Variants in CSMD1 observed in about 807,000 individuals in gnomAD.
The protein encoded by CSMD1 is CUB and sushi domain-containing protein 1.
Under a neutral mutation model 417.5 loss-of-function variants are expected in CSMD1, and 213 were observed. The observed-to-expected ratio is 0.51, with a 90% CI of 0.46 to 0.57. The LOEUF (loss-of-function observed/expected upper bound fraction) is 0.57, where lower values mean the gene tolerates loss of function less well. Ranked by LOEUF, CSMD1 falls within the 20% of genes least tolerant of loss-of-function variation. CSMD1 has a pLI of 0.00. For synonymous variants in CSMD1, 2,862 were observed against 1,736.8 expected, an observed-to-expected ratio of 1.65 and a Z score of -16.11; for missense variants, 6,923 against 4,529.7, an observed-to-expected ratio of 1.53 and a Z score of -15.17.
intron 30 of CSMD1, among the ~76,000 whole-genome samples, chr8:3,210,750 G>T (rs1470549687): frequency 2.0e-5 from 3 of 150,482 alleles, no homozygotes; most frequent in Admixed American, 6.6e-5. Context: ...CACAGAAAAG[G>T]TATTTTTCCT....
chr8:3,692,587 C>T (rs180874811), intron 7 of CSMD1, among the ~76,000 whole-genome samples: 196 of 152,166 alleles, frequency 1.3e-3, no homozygotes, highest in African/African-American at 3.9e-3. Flanking sequence ...GGCATGTCAC[C>T]ACACACAGCT....
At chr8:4,414,332 A>G (rs17070197) in intron 3 of CSMD1, among the ~76,000 whole-genome samples, 139 of 152,308 alleles carry the variant, frequency 9.1e-4, no homozygotes, top group African/African-American at 2.9e-3. Flanking sequence ...AAACCCGAAG[A>G]AAAGGTCTCT....
chr8:3,765,123 G>A (rs1400390809), intron 5 of CSMD1, among the ~76,000 whole-genome samples: 1 of 152,102 alleles, frequency 6.6e-6, no homozygotes, highest in East Asian at 1.9e-4. Flanking sequence ...TAGTACTGAA[G>A]ACCCTTTATA....
At chr8:4,385,828 T>C (rs1453092968) in intron 3 of CSMD1, among the ~76,000 whole-genome samples, 1 of 152,188 alleles carries the variant, frequency 6.6e-6, no homozygotes, top group Non-Finnish European at 1.5e-5. Flanking sequence ...TTATTTTGTG[T>C]TTCTGGGAAA....
At position 2,963,330 on chromosome 8, in the gene CSMD1, C is replaced by G; in HGVS notation, c.9346G>C (p.Gly3116Arg). 6.2e-7 allele frequency: 1 copy of G among 1,613,870 alleles called. No individual in the cohort carries two copies. Among genetic ancestry groups the G allele is most frequent in the Non-Finnish European group, 8.5e-7 (1 of 1,179,848 alleles). ...GTVEGSDFRW[G>R]SSISYSCMDG... ...ATGCAGCTGTAACTTATGCTGGAGC[C>G]CCAGCGGAAATCACTTCCCTCCACT... The change falls in exon 60 of 70, where the codon GGC (glycine) becomes CGC (arginine). Residue 3116 changes from glycine (G) to arginine (R), a missense_variant. Physicochemically the swap from Gly to Arg is moderately radical, Grantham distance 125. Coordinates refer to ENST00000635120, the MANE Select transcript of CSMD1 (RefSeq NM_033225.6).
intron 2 of CSMD1, among the ~76,000 whole-genome samples, chr8:4,584,199 T>C (rs545088560): frequency 6.6e-6 from 1 of 152,086 alleles, no homozygotes; most frequent in Non-Finnish European, 1.5e-5. Flanking sequence ...GTGGCATCAT[T>C]CTTGAAGCTA....
chr8:4,058,834 A>T (rs1231153973), intron 3 of CSMD1, among the ~76,000 whole-genome samples: 12 of 151,590 alleles, frequency 7.9e-5, no homozygotes, highest in East Asian at 1.9e-4. Flanking sequence ...CTCCCACACA[A>T]TAATAATGGG....
chr8:3,257,838 G>A lies in CSMD1; in HGVS notation c.4153+26306C>T, dbSNP rs536014830. Among the ~76,000 whole-genome samples, 13 of 152,308 alleles carry A rather than the reference G, an allele frequency of 8.5e-5. No individual in the cohort carries two copies. The South Asian group carries it at 1.0e-3, about 12-fold the overall frequency. On this transcript the variant is annotated intron_variant, in intron 26 of 69. Coordinates refer to ENST00000635120, the MANE Select transcript of CSMD1 (RefSeq NM_033225.6). The stretch of plus-strand genomic sequence containing the variant: ...GGTGAGGGGAGAATTGCAGGCAGCT[G>A]CAAGGGACTTGGGGCTTGACTCAGT...
chr8:3,140,477 C>T (rs548741040), intron 41 of CSMD1, among the ~76,000 whole-genome samples: 8 of 152,152 alleles, frequency 5.3e-5, no homozygotes, highest in Non-Finnish European at 8.8e-5. Context: ...AAAATGCTGG[C>T]AATGTCTAGA....
chr8:3,928,233 A>G (rs1341296714), intron 5 of CSMD1, among the ~76,000 whole-genome samples: 2 of 152,240 alleles, frequency 1.3e-5, no homozygotes, highest in African/African-American at 4.8e-5. Context: ...TAGAAATAGT[A>G]GGTATAATTA....
At chr8:3,113,527 A>G (rs1043704674) in intron 42 of CSMD1, among the ~76,000 whole-genome samples, 4 of 152,194 alleles carry the variant, frequency 2.6e-5, no homozygotes, top group Admixed American at 2.6e-4. Context: ...GTTGAAAGTG[A>G]TGGCGGTGAT....
intron 25 of CSMD1, 113 bp from the exon 26 acceptor site, chr8:3,284,459 C>T (rs1421448802): frequency 5.5e-6 from 4 of 723,906 alleles, no homozygotes; most frequent in East Asian, 5.4e-5. Context: ...CCAACATGTG[C>T]CTCGGTACTT....
chr8:4,945,896 A>T (rs1380503329), intron 1 of CSMD1, among the ~76,000 whole-genome samples: 1 of 152,194 alleles, frequency 6.6e-6, no homozygotes. Flanking sequence ...CCTGAATAAT[A>T]GCATTCACTC....
intron 50 of CSMD1, among the ~76,000 whole-genome samples, chr8:3,030,341 A>T (rs1810261446): frequency 6.6e-6 from 1 of 152,088 alleles, no homozygotes; most frequent in African/African-American, 2.4e-5. Context: ...AATTACGAAG[A>T]TTTAGTAGCT....
chr8:3,156,036 G>C (rs1430649637), intron 39 of CSMD1, among the ~76,000 whole-genome samples: 1 of 152,250 alleles, frequency 6.6e-6, no homozygotes, highest in African/African-American at 2.4e-5. Flanking sequence ...GTAACAGACA[G>C]TAATTACCTC....
intron 3 of CSMD1, among the ~76,000 whole-genome samples, chr8:4,197,776 G>C (rs1412891394): frequency 6.6e-6 from 1 of 152,150 alleles, no homozygotes; most frequent in South Asian, 2.1e-4. Context: ...CTACTTGGGA[G>C]GCTGATATGG....
chr8:4,426,489 A>G (rs1227687990), intron 2 of CSMD1, among the ~76,000 whole-genome samples: 1 of 148,024 alleles, frequency 6.8e-6, no homozygotes, highest in Non-Finnish European at 1.5e-5. Flanking sequence ...TATGACATAT[A>G]TAGTAAAGTT....
intron 1 of CSMD1, among the ~76,000 whole-genome samples, chr8:4,885,720 G>A (rs936784516): frequency 2.6e-5 from 4 of 151,254 alleles, no homozygotes; most frequent in Non-Finnish European, 5.9e-5. Context: ...ATATACTTAT[G>A]TATTATAATA....
At chr8:4,605,168 G>T (rs1271033375) in intron 2 of CSMD1, among the ~76,000 whole-genome samples, 1 of 152,116 alleles carries the variant, frequency 6.6e-6, no homozygotes, top group Non-Finnish European at 1.5e-5. Flanking sequence ...AAAAAAGACA[G>T]AACAACTTCA....
Sources: gnomAD v4.1 joint callset for allele counts (sites outside exome capture counted in the v4.1 genomes callset) on GRCh38, gnomAD v4.1.1 for gene constraint, MANE v1.5 for transcripts, NCBI Gene and HGNC (gene_info 2026-07-23, HGNC 2026-07-21) for gene names.